LMNTD1: variants seen among roughly 807,000 people sequenced by gnomAD.
LMNTD1 encodes the protein lamin tail domain containing 1.
A neutral mutation model predicts 50.9 loss-of-function variants in LMNTD1; 35 were observed. The observed-to-expected ratio is 0.69, with a 90% confidence interval of 0.53 to 0.91. The LOEUF (loss-of-function observed/expected upper bound fraction) is 0.91, where lower values mean the gene tolerates loss of function less well. Among genes scored for constraint, LMNTD1 ranks in the 40% least tolerant of loss-of-function variants. The pLI is 0.00. For synonymous variants in LMNTD1, 153 were observed against 161.9 expected (o/e 0.94, Z 0.42); for missense variants, 470 against 475.5 (o/e 0.99, Z 0.11).
intron 1 of LMNTD1, among the ~76,000 whole-genome samples, chr12:25,640,724 G>A (rs992586500): frequency 3.3e-5 from 5 of 151,646 alleles, no homozygotes; most frequent in East Asian, 3.9e-4. Context: ...GTATAGTGGC[G>A]CAAACTCAGC....
chr12:25,514,532 C>T (rs1033774186), intron 8 of LMNTD1, among the ~76,000 whole-genome samples: 9 of 140,334 alleles, frequency 6.4e-5, no homozygotes, highest in South Asian at 2.5e-4. Context: ...ATTTGCAGGG[C>T]AGGGAGGTAA....
At chr12:25,519,569 C>T (rs540755872) in intron 7 of LMNTD1, among the ~76,000 whole-genome samples, 3 of 74,096 alleles carry the variant, frequency 4.0e-5, no homozygotes, top group Non-Finnish European at 8.0e-5. Context: ...GCCTGGGTGA[C>T]AGAGCGAGAC....
intron 4 of LMNTD1, among the ~76,000 whole-genome samples, chr12:25,538,979 G>A (rs1243315637): frequency 6.7e-6 from 1 of 150,052 alleles, no homozygotes; most frequent in East Asian, 2.0e-4. Flanking sequence ...GACAAAGAAG[G>A]CCATTACATA....
At chr12:25,482,432 G>T (rs770054291) in intron 9 of LMNTD1, among the ~76,000 whole-genome samples, 3 of 151,832 alleles carry the variant, frequency 2.0e-5, no homozygotes, top group Non-Finnish European at 4.4e-5. Context: ...TGAAGCCTTC[G>T]ATTTAACACA....
At chr12:25,483,866 T>G (rs990609320) in intron 9 of LMNTD1, among the ~76,000 whole-genome samples, 1 of 151,932 alleles carries the variant, frequency 6.6e-6, no homozygotes, top group Non-Finnish European at 1.5e-5. Context: ...ATCTAACCAT[T>G]TAACTCCTTG....
intron 4 of LMNTD1, 133 bp from the exon 5 acceptor site, chr12:25,527,088 G>A (rs2136088098): frequency 1.9e-6 from 1 of 531,590 alleles, no homozygotes; most frequent in African/African-American, 1.9e-5. Flanking sequence ...TTCTATATAG[G>A]AATAGTATAT....
intron 1 of LMNTD1, among the ~76,000 whole-genome samples, chr12:25,617,238 C>G (rs764472740): frequency 7.9e-5 from 12 of 152,144 alleles, no homozygotes; most frequent in Non-Finnish European, 1.8e-4. Flanking sequence ...CTGATGGGCA[C>G]AGAGTTTATG....
chr12:25,596,292 TA>T (rs1398398624), intron 1 of LMNTD1, among the ~76,000 whole-genome samples: 6 of 152,078 alleles, frequency 3.9e-5, no homozygotes, highest in Non-Finnish European at 8.8e-5. Context: ...TACAGGTCAA[TA>T]TCTCTGATGA....
chr12:25,529,098 A>G (rs1324019606), intron 4 of LMNTD1, among the ~76,000 whole-genome samples: 1 of 152,056 alleles, frequency 6.6e-6, no homozygotes, highest in Non-Finnish European at 1.5e-5. Flanking sequence ...TCTCCTCAGT[A>G]TTGGCCTCTT....
At chr12:25,613,427 A>G (rs573888669) in intron 1 of LMNTD1, among the ~76,000 whole-genome samples, 71 of 152,320 alleles carry the variant, frequency 4.7e-4, no homozygotes, top group African/African-American at 1.7e-3. Flanking sequence ...GGTTAAAACA[A>G]TACCTGATCA....
At chr12:25,541,624 G>C (rs1943082161) in intron 4 of LMNTD1, among the ~76,000 whole-genome samples, 1 of 110,712 alleles carries the variant, frequency 9.0e-6, no homozygotes. Context: ...AACCCTAGAA[G>C]AAAACCTAGG....
At chr12:25,609,249 C>G (rs1289648232) in intron 1 of LMNTD1, among the ~76,000 whole-genome samples, 3 of 152,162 alleles carry the variant, frequency 2.0e-5, no homozygotes, top group African/African-American at 4.8e-5. Context: ...TTTTTAGCTT[C>G]TTTGCGATGG....
chr12:25,560,443 T>C (rs1316140962), intron 1 of LMNTD1, among the ~76,000 whole-genome samples: 1 of 152,224 alleles, frequency 6.6e-6, no homozygotes, highest in Non-Finnish European at 1.5e-5. Context: ...TTGGTTACTC[T>C]AGCCTTGTAG....
At chr12:25,587,732 A>C (rs147568237) in intron 1 of LMNTD1, among the ~76,000 whole-genome samples, 2 of 152,190 alleles carry the variant, frequency 1.3e-5, no homozygotes, top group Non-Finnish European at 2.9e-5. Context: ...AGAAATCACT[A>C]TTTTTTTCTT....
chr12:25,538,460 A>C (rs1942784872), intron 4 of LMNTD1, among the ~76,000 whole-genome samples: 1 of 145,026 alleles, frequency 6.9e-6, no homozygotes. Flanking sequence ...AGAATTTCAT[A>C]TCCAGCCAAA....
chr12:25,544,465 G>T (rs76191487), intron 4 of LMNTD1, among the ~76,000 whole-genome samples: 1 of 151,410 alleles, frequency 6.6e-6, no homozygotes, highest in African/African-American at 2.4e-5. Context: ...AGGTGAAGTG[G>T]GTTTCTTCTA....
chr12:25,632,617 A>G (rs1946743945), intron 1 of LMNTD1, among the ~76,000 whole-genome samples: 1 of 152,218 alleles, frequency 6.6e-6, no homozygotes, highest in African/African-American at 2.4e-5. Context: ...ACCACTACCA[A>G]GCTACCACTA....
At chr12:25,646,030 G>A (rs1947063050) in intron 1 of LMNTD1, among the ~76,000 whole-genome samples, 2 of 152,102 alleles carry the variant, frequency 1.3e-5, no homozygotes, top group Non-Finnish European at 2.9e-5. Context: ...GTTGGTTATT[G>A]CATTGTATCT....
At chr12:25,638,630 A>G (rs573943308) in intron 1 of LMNTD1, among the ~76,000 whole-genome samples, 21 of 152,194 alleles carry the variant, frequency 1.4e-4, no homozygotes, top group Middle Eastern at 6.8e-3. Context: ...TTAAAAAAAG[A>G]AATGTAAAAC....
Sources: allele counts gnomAD v4.1 joint callset (sites outside exome capture counted in the v4.1 genomes callset), GRCh38; gene constraint gnomAD v4.1.1; transcripts MANE v1.5; gene names NCBI Gene and HGNC (gene_info 2026-07-23, HGNC 2026-07-21).